AHI1: variants seen among roughly 807,000 people sequenced by gnomAD.
AHI1 encodes the protein jouberin.
In AHI1, 123 loss-of-function variants were observed where a neutral mutation model predicts 149.3. The ratio of observed to expected loss-of-function variants is 0.82; its 90% CI spans 0.71 to 0.96. The LOEUF (loss-of-function observed/expected upper bound fraction) is 0.96, where lower values mean the gene tolerates loss of function less well. Ranked by LOEUF, AHI1 falls within the 40% of genes least tolerant of loss-of-function variation. The pLI is 0.00. For missense variants in AHI1, 1,439 were observed against 1,422.7 expected, an observed-to-expected ratio of 1.01 and a Z score of -0.18; for synonymous variants, 475 against 459.8, an observed-to-expected ratio of 1.03 and a Z score of -0.42.
intron 23 of AHI1, among the ~76,000 whole-genome samples, chr6:135,359,918 A>G (rs1393816804): frequency 6.6e-6 from 1 of 152,156 alleles, no homozygotes; most frequent in Non-Finnish European, 1.5e-5. Flanking sequence ...AACTCTACAG[A>G]TTTTAGTGTT....
chr6:135,345,172 C>G (rs767603388), intron 24 of AHI1, among the ~76,000 whole-genome samples: 2 of 152,154 alleles, frequency 1.3e-5, no homozygotes, highest in Non-Finnish European at 2.9e-5. Context: ...AATACAAAAT[C>G]AGTAACAAGT....
intron 27 of AHI1, 111 bp from the exon 28 acceptor site, chr6:135,290,636 A>G: frequency 1.0e-6 from 1 of 977,152 alleles, no homozygotes; most frequent in Non-Finnish European, 1.6e-6. Context: ...ATGGGGATAA[A>G]TGTGAGGATA....
intron 22 of AHI1, among the ~76,000 whole-genome samples, chr6:135,398,234 A>T (rs1779529898): frequency 6.6e-6 from 1 of 152,120 alleles, no homozygotes; most frequent in Non-Finnish European, 1.5e-5. Context: ...TGCTCTTGTG[A>T]TTTCTAGCTT....
rs1342072417 is a variant in AHI1, at chr6:135,285,463, C to T, written c.*182G>A. 15 of 668,142 alleles carry T rather than the reference C, an allele frequency of 2.2e-5. No individual in the cohort carries two copies. The highest frequency in any genetic ancestry group is 3.7e-5 in the Non-Finnish European group (14 of 381,296). The allele number at this position is 668,142 out of a possible 1,614,324, so 41.4% of individuals were successfully genotyped here. A position where few individuals can be genotyped will look rare whatever the true frequency, so the allele number is the denominator to read the frequency against. On this transcript the variant is annotated 3_prime_UTR_variant, in exon 29 of 29. Transcript: ENST00000265602. The stretch of plus-strand genomic sequence containing the variant: ...TTATAACAACTGAACTCAAAGGCCA[C>T]GTTGATTTTTCCACCCACAACTTGA...
At chr6:135,291,547 C>T (rs1782354244) in intron 27 of AHI1, among the ~76,000 whole-genome samples, 1 of 152,150 alleles carries the variant, frequency 6.6e-6, no homozygotes, top group South Asian at 2.1e-4. Context: ...CACGGGAAAC[C>T]AATCCTGCTG....
intron 24 of AHI1, among the ~76,000 whole-genome samples, chr6:135,348,429 T>C (rs888448009): frequency 6.6e-6 from 1 of 152,192 alleles, no homozygotes; most frequent in African/African-American, 2.4e-5. Context: ...TATTTTCCTT[T>C]TGGTAAAGGA....
chr6:135,330,911 C>A (rs773934287), intron 24 of AHI1, among the ~76,000 whole-genome samples: 1 of 152,156 alleles, frequency 6.6e-6, no homozygotes, highest in Non-Finnish European at 1.5e-5. Flanking sequence ...GTGAGTAAAT[C>A]ATAACTTCCC....
At position 135,320,534 on chromosome 6, in the gene AHI1, T is replaced by A. The variant is rs960674835; in HGVS notation, c.3329-1918A>T. Among the ~76,000 whole-genome samples the A allele has an allele frequency of 2.6e-5, 4 of 152,206 alleles. No homozygotes were observed. In the East Asian group the frequency reaches 7.7e-4, roughly 29 times the overall value. On this transcript the variant is annotated intron_variant, in intron 25 of 28. Transcript: ENST00000265602. ...TCAAACTCTTGGCGTCAAGTGATCC[T>A]CCCTCTTCAGCCTCCTGAAGTGTTG... is the stretch of plus-strand genomic sequence containing the variant.
intron 23 of AHI1, among the ~76,000 whole-genome samples, chr6:135,380,406 G>A (rs1400003948): frequency 6.6e-6 from 1 of 152,138 alleles, no homozygotes; most frequent in African/African-American, 2.4e-5. Context: ...ATAGGAGGAT[G>A]TACACAGGCA....
intron 22 of AHI1, among the ~76,000 whole-genome samples, chr6:135,402,651 C>T (rs1780183654): frequency 6.6e-6 from 1 of 152,010 alleles, no homozygotes. Flanking sequence ...AATAGCAAGA[C>T]CAAACCCTCA....
chr6:135,445,222 A>G (rs1024737705), intron 13 of AHI1, among the ~76,000 whole-genome samples: 1 of 152,264 alleles, frequency 6.6e-6, no homozygotes, highest in Non-Finnish European at 1.5e-5. Flanking sequence ...AAGAATAGTA[A>G]GCTCTTATTT....
At chr6:135,492,798 T>G (rs1321273366) in intron 3 of AHI1, 2 of 985,268 alleles carry the variant, frequency 2.0e-6, no homozygotes, top group Non-Finnish European at 2.4e-6. Context: ...ACCATCTTTC[T>G]TTAATAAAAC....
chr6:135,438,427 AG>A lies in AHI1; in HGVS notation c.1983del (p.Trp662GlyfsTer24), dbSNP rs1459452503. Reference protein sequence around the residue: ...CGHLNIIYDLSWSKDDHYILT... With the variant: ...CGHLNIIYDLXWSKDDHYILT... Reference sequence around the variant, plus strand: ...AGGATGTAGTGATCATCTTTTGACCAGGAAAGATCATAAATGATATTGAGGT... The same window carrying A: ...AGGATGTAGTGATCATCTTTTGACCAGAAAGATCATAAATGATATTGAGGT... On this transcript the variant is annotated frameshift_variant, in exon 15 of 29. Transcript: ENST00000265602. LOFTEE classifies it high-confidence loss of function. The A allele has an allele frequency of 4.2e-5, 66 of 1,567,482 alleles. No homozygotes were observed. Among genetic ancestry groups the A allele is most frequent in the Non-Finnish European group, 5.7e-5 (66 of 1,154,268 alleles).
chr6:135,372,734 G>C (rs1775254414), intron 23 of AHI1, among the ~76,000 whole-genome samples: 1 of 152,182 alleles, frequency 6.6e-6, no homozygotes, highest in African/African-American at 2.4e-5. Context: ...CTATTTTAAA[G>C]GAAGGAAACA....
chr6:135,334,977 A>G (rs1789158930), intron 24 of AHI1, among the ~76,000 whole-genome samples: 1 of 152,220 alleles, frequency 6.6e-6, no homozygotes. Context: ...CCTAACGTTT[A>G]GTTAATACTT....
At chr6:135,469,050 C>G (rs1409295982) in intron 5 of AHI1, among the ~76,000 whole-genome samples, 4 of 152,004 alleles carry the variant, frequency 2.6e-5, no homozygotes, top group African/African-American at 7.3e-5. Flanking sequence ...AGAGATGCAA[C>G]AAAGAAAGAA....
chr6:135,375,744 T>A (rs956028659), intron 23 of AHI1, among the ~76,000 whole-genome samples: 2 of 152,224 alleles, frequency 1.3e-5, no homozygotes, highest in East Asian at 3.8e-4. Context: ...TCAAGTTATG[T>A]TCACTGAAAG....
intron 23 of AHI1, among the ~76,000 whole-genome samples, chr6:135,374,104 ATATATTTTT>A (rs1185010915): frequency 0.014 from 461 of 31,896 alleles, 1 homozygote; most frequent in South Asian, 0.047. Flanking sequence ...ATATATATAT[ATATATTTTT>A]TTTTTTTTTT....
intron 5 of AHI1, among the ~76,000 whole-genome samples, chr6:135,483,661 T>C (rs1201984353): frequency 6.6e-6 from 1 of 152,204 alleles, no homozygotes; most frequent in Admixed American, 6.5e-5. Flanking sequence ...ATCAAACCAC[T>C]CCAGACTTAG....
Sources: allele counts gnomAD v4.1 joint callset (sites outside exome capture counted in the v4.1 genomes callset), GRCh38; gene constraint gnomAD v4.1.1; transcripts MANE v1.5; gene names NCBI Gene and HGNC (gene_info 2026-07-23, HGNC 2026-07-21).